The following EYA3 variants were observed in gnomAD, a reference collection of about 807,000 sequenced individuals.
EYA3 encodes protein phosphatase EYA3.
Under a neutral mutation model 80.0 loss-of-function variants are expected in EYA3, and 39 were observed. That is an observed-to-expected ratio of 0.49 (90% CI 0.38 to 0.64). The LOEUF (loss-of-function observed/expected upper bound fraction) is 0.64, where lower values mean the gene tolerates loss of function less well. Among genes scored for constraint, EYA3 ranks in the 30% least tolerant of loss-of-function variants. The pLI is 0.00. For missense variants in EYA3, 523 were observed against 676.1 expected (o/e 0.77, Z 2.51); for synonymous variants, 206 against 232.8 (o/e 0.88, Z 1.05).
intron 16 of EYA3, among the ~76,000 whole-genome samples, chr1:27,982,387 T>G (rs1192819173): frequency 6.6e-6 from 1 of 151,678 alleles, no homozygotes; most frequent in Non-Finnish European, 1.5e-5. Flanking sequence ...CTCAAGTGAT[T>G]CTCCCACCTC....
At chr1:27,993,270 T>C in intron 14 of EYA3, 130 bp downstream of exon 14, 5 of 968,512 alleles carry the variant, frequency 5.2e-6, no homozygotes, top group Non-Finnish European at 7.6e-6. Context: ...TTTTTTTAAA[T>C]ACAGAGTTTA....
intron 7 of EYA3, among the ~76,000 whole-genome samples, chr1:28,023,238 CA>C (rs1163716811): frequency 6.6e-6 from 1 of 151,794 alleles, no homozygotes; most frequent in Non-Finnish European, 1.5e-5. Flanking sequence ...TAGGAGTCCA[CA>C]AAAAAATGAC....
chr1:28,051,310 C>T (rs1010268608), intron 2 of EYA3, among the ~76,000 whole-genome samples: 2 of 151,776 alleles, frequency 1.3e-5, no homozygotes, highest in Non-Finnish European at 2.9e-5. Context: ...ATACAAAAAT[C>T]AATTATATTT....
rs570218150 is a variant in EYA3, at chr1:28,002,204, C to T, written c.993+2132G>A. Among the ~76,000 whole-genome samples, 27 of 152,118 alleles carry T rather than the reference C, an allele frequency of 1.8e-4. No homozygotes were observed. The South Asian group carries it at 5.0e-3, about 28-fold the overall frequency. Reference sequence around the variant, plus strand: ...TGCTGGGATTACAGGTGTGAGCCACCGCACCCGGCAATTTTTGTATTTTTA... The same window carrying T: ...TGCTGGGATTACAGGTGTGAGCCACTGCACCCGGCAATTTTTGTATTTTTA... On this transcript the variant is annotated intron_variant, in intron 11 of 17. Transcript: ENST00000373871.
rs868755077 is a variant in EYA3 at position 27,971,070 on chromosome 1, A to C, written c.*3396T>G. 12 of 152,396 alleles carry C rather than the reference A, an allele frequency of 7.9e-5. No homozygotes were observed. Among genetic ancestry groups the C allele is most frequent in the African/African-American group, 2.6e-4 (11 of 41,592 alleles). The allele number at this position is 152,396 out of a possible 1,614,324, so 9.4% of individuals were successfully genotyped here. On this transcript the variant is annotated 3_prime_UTR_variant, in exon 18 of 18. Coordinates refer to ENST00000373871, the MANE Select transcript of EYA3 (RefSeq NM_001990.4). ...ACAACTCACTAGCTTTACAGAAGAC[A>C]GGAACGCCGCAAATCAAACAAAAGC...
At chr1:28,067,785 A>G (rs1644884825) in intron 1 of EYA3, among the ~76,000 whole-genome samples, 1 of 152,226 alleles carries the variant, frequency 6.6e-6, no homozygotes, top group East Asian at 1.9e-4. Context: ...ATTGGAAGAG[A>G]CTTCACATTT....
chr1:28,015,057 A>G (rs1028829714), intron 8 of EYA3, among the ~76,000 whole-genome samples: 1 of 152,254 alleles, frequency 6.6e-6, no homozygotes, highest in Non-Finnish European at 1.5e-5. Context: ...GAAATATTAA[A>G]GAAAAGAATA....
In EYA3 at chr1:28,065,019, G is replaced by C. The variant is rs550461904; in HGVS notation, c.-68-6925C>G. ...CATTGTAAATGTACTTAATTCCACT[G>C]AATTGTATACAGTAGTCTCCCCTTC... On this transcript the variant is annotated intron_variant, in intron 1 of 17. Transcript: ENST00000373871. Among the ~76,000 whole-genome samples the C allele has an allele frequency of 2.6e-5, 4 of 152,306 alleles. No individual in the cohort carries two copies. The East Asian group carries it at 5.8e-4, about 22-fold the overall frequency.
chr1:28,049,149 A>G (rs1057179311), intron 2 of EYA3, among the ~76,000 whole-genome samples: 17 of 152,358 alleles, frequency 1.1e-4, no homozygotes, highest in Non-Finnish European at 2.1e-4. Flanking sequence ...AGAAGAAGGC[A>G]GAAACTCTCC....
At chr1:28,038,637 T>C (rs575257318) in intron 5 of EYA3, among the ~76,000 whole-genome samples, 1 of 152,186 alleles carries the variant, frequency 6.6e-6, no homozygotes, top group East Asian at 1.9e-4. Context: ...TTGTGTAAAA[T>C]GATCCATTGC....
rs1280319637 is a variant in EYA3 at position 28,013,077 on chromosome 1, C to G, written c.769+34G>C. ...AAAAACAACTGTTGGATGAAGTGAC[C>G]TTAAGCCAAAGTTTTCAGAGCTGCG... On this transcript the variant is annotated intron_variant, in intron 9 of 17. Coordinates refer to ENST00000373871, the MANE Select transcript of EYA3 (RefSeq NM_001990.4). The surrounding 1 kb of genome is among the most constrained non-coding windows in gnomAD (Gnocchi z 4.0). 4 of 1,595,004 alleles carry G rather than the reference C, an allele frequency of 2.5e-6. No individual in the cohort carries two copies. In the African/African-American group the frequency reaches 5.4e-5, roughly 21 times the overall value.
chr1:27,986,616 T>C (rs1639675656), intron 16 of EYA3, among the ~76,000 whole-genome samples: 2 of 152,020 alleles, frequency 1.3e-5, no homozygotes, highest in South Asian at 4.1e-4. Context: ...AGGCTGGTCT[T>C]GAACTCCTGA....
intron 5 of EYA3, among the ~76,000 whole-genome samples, chr1:28,036,911 C>A (rs1230507188): frequency 6.6e-6 from 1 of 151,778 alleles, no homozygotes; most frequent in Non-Finnish European, 1.5e-5. Context: ...AAGTGATATA[C>A]TAGCTGAGCA....
chr1:28,033,192 T>A lies in EYA3; in HGVS notation c.361+2352A>T, dbSNP rs74465494. Among the ~76,000 whole-genome samples the A allele has an allele frequency of 6.9e-4, 105 of 152,284 alleles. 1 individual carries two copies. The East Asian group carries it at 0.014, about 21-fold the overall frequency. ...GGCAGCACTAAGATGACACAATGTA[T>A]CAAAATCTTGATTTCGAAAGAAAGA... On this transcript the variant is annotated intron_variant, in intron 6 of 17. Transcript: ENST00000373871.
At chr1:28,004,143 C>G (rs573156082) in intron 11 of EYA3, among the ~76,000 whole-genome samples, 193 bp downstream of exon 11, 1 of 152,356 alleles carries the variant, frequency 6.6e-6, no homozygotes, top group Admixed American at 6.5e-5. Flanking sequence ...AACTTTACCA[C>G]TTTACCATCA....
chr1:27,975,073 A>T (rs1394602809), intron 17 of EYA3, among the ~76,000 whole-genome samples: 2 of 152,236 alleles, frequency 1.3e-5, no homozygotes, highest in African/African-American at 4.8e-5. Flanking sequence ...CCTAAATCTT[A>T]TCTATGTCCA....
intron 10 of EYA3, among the ~76,000 whole-genome samples, chr1:28,006,609 G>C (rs1249719025): frequency 6.6e-6 from 1 of 152,094 alleles, no homozygotes; most frequent in African/African-American, 2.4e-5. Flanking sequence ...AGGAGTCCGA[G>C]GCAGGAGAAT....
At chr1:27,998,930 G>A (rs1344753095) in intron 12 of EYA3, among the ~76,000 whole-genome samples, 6 of 151,858 alleles carry the variant, frequency 4.0e-5, no homozygotes, top group Admixed American at 6.6e-5. Flanking sequence ...CACCATGCCC[G>A]GCTAATTTTT....
chr1:28,068,229 G>A (rs757428857), intron 1 of EYA3, among the ~76,000 whole-genome samples: 1 of 151,810 alleles, frequency 6.6e-6, no homozygotes, highest in Non-Finnish European at 1.5e-5. Flanking sequence ...CTACTTGGGA[G>A]GCTGAGGCAG....
Sources: allele counts gnomAD v4.1 joint callset (sites outside exome capture counted in the v4.1 genomes callset), GRCh38; gene constraint gnomAD v4.1.1; non-coding constraint Gnocchi (gnomAD v3.1); transcripts MANE v1.5; gene names NCBI Gene and HGNC (gene_info 2026-07-23, HGNC 2026-07-21).